Variants in BAZ2A observed in about 807,000 individuals in gnomAD.
BAZ2A encodes the protein bromodomain adjacent to zinc finger domain 2A.
BAZ2A carries 34 observed loss-of-function variants against 199.9 expected under a neutral mutation model. That is an observed-to-expected ratio of 0.17 (90% CI 0.13 to 0.23). The LOEUF (loss-of-function observed/expected upper bound fraction) is 0.23. Among genes scored for constraint, BAZ2A ranks in the 10% least tolerant of loss-of-function variants. BAZ2A has a pLI of 1.00. For missense variants in BAZ2A, 2,002 were observed against 2,391.1 expected, an observed-to-expected ratio of 0.84 and a Z score of 3.39; for synonymous variants, 857 against 883.9, an observed-to-expected ratio of 0.97 and a Z score of 0.54.
At chr12:56,636,161 G>A (rs1439683855) in intron 1 of BAZ2A, 54 of 1,587,972 alleles carry the variant, frequency 3.4e-5, no homozygotes, top group South Asian at 4.6e-5. Flanking sequence ...GGCCTTCCCC[G>A]GGGCTGGTCC....
intron 10 of BAZ2A, among the ~76,000 whole-genome samples, chr12:56,608,896 A>T (rs1220271926): frequency 6.9e-5 from 7 of 101,142 alleles, no homozygotes; most frequent in African/African-American, 2.5e-4. Context: ...TTTTTTTGAG[A>T]CAGAGTCTAG....
At chr12:56,602,902 G>T in intron 18 of BAZ2A, 45 bp from the exon 19 acceptor site, 2 of 1,562,290 alleles carry the variant, frequency 1.3e-6, no homozygotes, top group Non-Finnish European at 1.7e-6. Flanking sequence ...CATTTCCAGA[G>T]TGACAGTGGT....
chr12:56,612,220 T>C lies in BAZ2A; in HGVS notation c.1162A>G (p.Ser388Gly), dbSNP rs761968433. Residue 388 changes from serine to glycine, a missense_variant, in exon 6 of 29, where the codon AGT (serine) becomes GGT (glycine). Coordinates refer to ENST00000549884, the MANE Select transcript of BAZ2A (RefSeq NM_001300905.2). ...TCCATTTCTTCCTGTTCAGCGTCAC[T>C]ACCATTATTCAGGTCAAAGCTGTTA... Reference protein sequence around the residue: ...QDNSFDLNNGSDAEQEEMETQ... With the variant: ...QDNSFDLNNGGDAEQEEMETQ... 2.5e-6 allele frequency: 4 copies of C among 1,613,318 alleles called. No individual in the cohort carries two copies. Among genetic ancestry groups the C allele is most frequent in the East Asian group, 4.5e-5 (2 of 44,872 alleles).
Position 56,600,720 on chromosome 12 carries a change from C to T in BAZ2A, c.4563G>A (p.Glu1521=), listed in dbSNP as rs1424208968. The T allele has an allele frequency of 1.2e-5, 20 of 1,613,506 alleles. No homozygotes were observed. The highest frequency in any genetic ancestry group is 1.5e-5 in the Non-Finnish European group (18 of 1,179,880). Residue 1521 remains glutamate, a synonymous_variant, in exon 23 of 29, where the codon GAG becomes GAA. Transcript: ENST00000549884. ...TDLAVLQWVE[E]LEQRVIMSDL... The stretch of plus-strand genomic sequence containing the variant: ...CAGACATGATAACCCGCTGCTCCAG[C>T]TCCTCTACCCATTGAAGCACTGCTA...
intron 15 of BAZ2A, 47 bp downstream of exon 15, chr12:56,604,538 T>C: frequency 6.6e-7 from 1 of 1,521,186 alleles, no homozygotes. Flanking sequence ...CTCCACCCCA[T>C]TCTGATGCAA....
rs1592539928 is a variant in BAZ2A at position 56,596,585 on chromosome 12, G to A, written c.*2033C>T. 2.0e-5 allele frequency: 3 copies of A among 152,436 alleles called. No individual in the cohort carries two copies. In the East Asian group the frequency reaches 5.8e-4, roughly 29 times the overall value. 9.4% of individuals were successfully genotyped at this position (152,436 alleles called of 1,614,324 possible). A position where few individuals can be genotyped will look rare whatever the true frequency, so the allele number is the denominator to read the frequency against. On this transcript the variant is annotated 3_prime_UTR_variant, in exon 29 of 29. Coordinates refer to ENST00000549884, the MANE Select transcript of BAZ2A (RefSeq NM_001300905.2). ...TTCACTCCCCCATCCACCTCACAAT[G>A]AAATTAATCTAGCACATCTTATACC...
chr12:56,609,897 T>C lies in BAZ2A; in HGVS notation c.1931A>G (p.Gln644Arg), dbSNP rs772725066. The change falls in exon 10 of 29, where the codon CAG becomes CGG. Residue 644 changes from glutamine to arginine, a missense_variant. Physicochemically the swap from Gln to Arg is conservative, Grantham distance 43. This residue lies in a region of BAZ2A where 74 missense variants were observed against 126.1 expected (regional missense o/e 0.59). Coordinates refer to ENST00000549884, the MANE Select transcript of BAZ2A (RefSeq NM_001300905.2). Reference protein sequence around the residue: ...LSAEEIPSRIQAITGKRGRPR... With the variant: ...LSAEEIPSRIRAITGKRGRPR... The stretch of plus-strand genomic sequence containing the variant: ...TCGACCCCGTTTGCCAGTAATTGCC[T>C]GAATCCTCGACGGGATCTCCTCTGC... 2.5e-6 allele frequency: 4 copies of C among 1,613,112 alleles called. No individual in the cohort carries two copies. In the South Asian group the frequency reaches 4.4e-5, roughly 18 times the overall value.
Position 56,599,952 on chromosome 12 carries a change from T to C in BAZ2A, c.5025+12A>G. The C allele has an allele frequency of 6.2e-7, 1 of 1,613,868 alleles. No individual in the cohort carries two copies. Among genetic ancestry groups the C allele is most frequent in the Non-Finnish European group, 8.5e-7 (1 of 1,179,772 alleles). On this transcript the variant is annotated intron_variant, in intron 25 of 28. Coordinates refer to ENST00000549884, the MANE Select transcript of BAZ2A (RefSeq NM_001300905.2). Reference sequence around the variant, plus strand: ...GGCCCCTCAGCCTCTCCAGGCTCTCTCAGCCTCTTACCACTTTGTTGACAG... The same window carrying C: ...GGCCCCTCAGCCTCTCCAGGCTCTCCCAGCCTCTTACCACTTTGTTGACAG...
chr12:56,604,660 G>C lies in BAZ2A; in HGVS notation c.2888C>G (p.Ala963Gly), dbSNP rs771828517. 1 of 1,611,206 alleles carries C rather than the reference G, an allele frequency of 6.2e-7. No homozygotes were observed. The highest frequency in any genetic ancestry group is 1.1e-5 in the South Asian group (1 of 90,318). ...CDRLRTQPFQ[A>G]QPPQQKAAVL... ...AGCAGCCTTCTGCTGGGGTGGCTGG[G>C]CCTGAAAAGGCTGGGTGCGCAGGCG... The change falls in exon 15 of 29, where the codon GCC becomes GGC. Residue 963 changes from alanine to glycine, a missense_variant. Transcript: ENST00000549884.
chr12:56,597,500 A>G lies in BAZ2A; in HGVS notation c.*1118T>C. On this transcript the variant is annotated 3_prime_UTR_variant, in exon 29 of 29. Coordinates refer to ENST00000549884, the MANE Select transcript of BAZ2A (RefSeq NM_001300905.2). Reference sequence around the variant, plus strand: ...GTTTTAAACAATGGGAAAAATGGGAATGAAAACAGGTACTTGGGGAAACTG... The same window carrying G: ...GTTTTAAACAATGGGAAAAATGGGAGTGAAAACAGGTACTTGGGGAAACTG... 1 of 151,852 alleles carries G rather than the reference A, an allele frequency of 6.6e-6. No homozygotes were observed. The highest frequency in any genetic ancestry group is 2.4e-5 in the African/African-American group (1 of 41,430). The allele number at this position is 151,852 out of a possible 1,614,324, so 9.4% of individuals were successfully genotyped here.
upstream of BAZ2A, among the ~76,000 whole-genome samples, chr12:56,636,983 A>G (rs1205139245): frequency 6.6e-6 from 1 of 152,172 alleles, no homozygotes; most frequent in Non-Finnish European, 1.5e-5. Flanking sequence ...TTCAGCCCCC[A>G]GGGGCCTCTG....
At chr12:56,636,539 A>C (rs1287872580), upstream of BAZ2A, among the ~76,000 whole-genome samples, 1 of 152,106 alleles carries the variant, frequency 6.6e-6, no homozygotes, top group Non-Finnish European at 1.5e-5. Flanking sequence ...GAAGGAAACA[A>C]ATAGTTGCAG....
exon 1 of BAZ2A, chr12:56,636,350 C>A: frequency 7.4e-7 from 1 of 1,354,714 alleles, no homozygotes. Flanking sequence ...GCCTGAACTG[C>A]TGTAGGGTGA....
rs767360421 is a variant in BAZ2A at position 56,600,682 on chromosome 12, C to A, written c.4601G>T (p.Arg1534Leu). Reference protein sequence around the residue: ...QRVIMSDLQIRGWTCPSPDST... With the variant: ...QRVIMSDLQILGWTCPSPDST... ...TACACAGTGCCAATCCCAGCATACCCGAATCTGCAGATCAGACATGATAAC... is the reference window on the plus strand; with the variant it reads ...TACACAGTGCCAATCCCAGCATACCAGAATCTGCAGATCAGACATGATAAC... The change falls in exon 23 of 29, where the codon CGG becomes CTG. Residue 1534 changes from arginine to leucine, a missense_variant and splice_region_variant. Physicochemically the swap from Arg to Leu is moderately radical, Grantham distance 102. Around this residue, in one of 6 missense-constraint regions of BAZ2A, gnomAD observed 1,081 missense variants for 1,274.7 expected, o/e 0.85. Coordinates refer to ENST00000549884, the MANE Select transcript of BAZ2A (RefSeq NM_001300905.2). 1 of 1,612,440 alleles carries A rather than the reference C, an allele frequency of 6.2e-7. No individual in the cohort carries two copies. The highest frequency in any genetic ancestry group is 8.5e-7 in the Non-Finnish European group (1 of 1,179,486).
chr12:56,605,682 A>G, intron 13 of BAZ2A, 148 bp downstream of exon 13: 1 of 936,740 alleles, frequency 1.1e-6, no homozygotes, highest in East Asian at 2.7e-5. Context: ...TCGGCCTCCC[A>G]AAGTGCTGGG....
intron 10 of BAZ2A, 63 bp from the exon 11 acceptor site, chr12:56,606,796 G>A (rs1184995801): frequency 1.5e-6 from 2 of 1,331,886 alleles, no homozygotes; most frequent in East Asian, 2.3e-5. Context: ...AGCATCCAGG[G>A]CAACACATGC....
At chr12:56,622,927 T>G (rs1252935063) in intron 1 of BAZ2A, among the ~76,000 whole-genome samples, 1 of 152,166 alleles carries the variant, frequency 6.6e-6, no homozygotes, top group African/African-American at 2.4e-5. Context: ...TCTGTGGGCC[T>G]GTGACATGGT....
chr12:56,624,616 C>CAAAA (rs67249064), intron 1 of BAZ2A, among the ~76,000 whole-genome samples: 2 of 59,410 alleles, frequency 3.4e-5, no homozygotes, highest in African/African-American at 9.5e-5. Context: ...TTTCAGAGAA[C>CAAAA]AAAAAAAAAA....
At chr12:56,604,890 A>T in intron 14 of BAZ2A, 91 bp from the exon 15 acceptor site, 1 of 1,451,346 alleles carries the variant, frequency 6.9e-7, no homozygotes, top group Non-Finnish European at 9.4e-7. Flanking sequence ...TCAGAAGAGA[A>T]CTATGGGGGT....
Sources: gnomAD v4.1 joint callset for allele counts (sites outside exome capture counted in the v4.1 genomes callset) on GRCh38, gnomAD v4.1.1 for gene constraint, gnomAD v4.1.1 regional missense constraint, MANE v1.5 for transcripts, NCBI Gene and HGNC (gene_info 2026-07-23, HGNC 2026-07-21) for gene names.